Variants in IMPG1 observed in about 807,000 individuals in gnomAD.
IMPG1 encodes the protein interphotoreceptor matrix proteoglycan 1, also known as interphotoreceptor matrix proteoglycan of 150 kDa.
In IMPG1, 85 loss-of-function variants were observed where a neutral mutation model predicts 92.0. That is an observed-to-expected ratio of 0.92 (90% CI 0.78 to 1.11). The LOEUF (loss-of-function observed/expected upper bound fraction) is 1.11. Ranked by LOEUF, IMPG1 falls within the 50% of genes least tolerant of loss-of-function variation. The pLI is 0.00. For missense variants in IMPG1, 1,022 were observed against 956.0 expected, an observed-to-expected ratio of 1.07 and a Z score of -0.91; for synonymous variants, 367 against 334.1, an observed-to-expected ratio of 1.10 and a Z score of -1.08.
At chr6:75,932,405 T>C (rs1781681041) in intron 14 of IMPG1, among the ~76,000 whole-genome samples, 1 of 152,242 alleles carries the variant, frequency 6.6e-6, no homozygotes, top group Non-Finnish European at 1.5e-5. Flanking sequence ...TAAAAATATT[T>C]TCCCTAGGTA....
At chr6:76,072,306 G>T in intron 1 of IMPG1, 116 bp downstream of exon 1, 2 of 544,336 alleles carry the variant, frequency 3.7e-6, no homozygotes, top group Non-Finnish European at 3.3e-6. Flanking sequence ...TTTATTCAAG[G>T]CCTACTATAT....
chr6:76,022,749 G>A (rs79064206), intron 5 of IMPG1, among the ~76,000 whole-genome samples: 1,554 of 152,256 alleles, frequency 0.01, 26 homozygotes, highest in African/African-American at 0.036. Context: ...TATTTTTAAA[G>A]ATCTTCATAG....
At chr6:75,948,118 G>A (rs1273304989) in intron 13 of IMPG1, among the ~76,000 whole-genome samples, 1 of 152,176 alleles carries the variant, frequency 6.6e-6, no homozygotes, top group African/African-American at 2.4e-5. Context: ...TCCCTAACTA[G>A]CCATGTGACC....
At chr6:75,996,668 C>T (rs551436181) in intron 12 of IMPG1, among the ~76,000 whole-genome samples, 2 of 152,222 alleles carry the variant, frequency 1.3e-5, no homozygotes, top group South Asian at 2.1e-4. Flanking sequence ...ATAGCACTGG[C>T]TAGGGAGAAC....
intron 12 of IMPG1, among the ~76,000 whole-genome samples, chr6:75,970,670 G>A (rs1200826636): frequency 6.6e-6 from 1 of 152,108 alleles, no homozygotes; most frequent in Non-Finnish European, 1.5e-5. Context: ...GCCTTCTCTG[G>A]AGAAGAAAAT....
chr6:75,932,688 T>C (rs1217451895), intron 14 of IMPG1, among the ~76,000 whole-genome samples: 7 of 152,176 alleles, frequency 4.6e-5, no homozygotes, highest in Admixed American at 1.3e-4. Flanking sequence ...GGGTAGGCCA[T>C]ACCAATATTT....
intron 7 of IMPG1, 71 bp downstream of exon 7, chr6:76,018,647 G>A (rs1198404924): frequency 1.6e-5 from 23 of 1,431,564 alleles, no homozygotes; most frequent in Admixed American, 6.0e-5. Flanking sequence ...CGCCGTAAGG[G>A]TTTATGTCCT....
intron 13 of IMPG1, among the ~76,000 whole-genome samples, chr6:75,949,443 G>C (rs182772889): frequency 6.6e-6 from 1 of 152,266 alleles, no homozygotes; most frequent in African/African-American, 2.4e-5. Context: ...TCTAAAAAGG[G>C]GAGGCATGAA....
At chr6:75,954,183 G>T (rs140627846) in intron 12 of IMPG1, among the ~76,000 whole-genome samples, 2 of 152,082 alleles carry the variant, frequency 1.3e-5, no homozygotes, top group Non-Finnish European at 2.9e-5. Flanking sequence ...TTGAGGAATC[G>T]CCAAACTGTC....
At chr6:75,942,803 C>T (rs528545995) in intron 14 of IMPG1, among the ~76,000 whole-genome samples, 33 of 152,282 alleles carry the variant, frequency 2.2e-4, no homozygotes, top group African/African-American at 7.5e-4. Flanking sequence ...TGAAAATCAT[C>T]TGCACATTTT....
At chr6:75,981,012 A>G (rs1423376139) in intron 12 of IMPG1, among the ~76,000 whole-genome samples, 2 of 152,178 alleles carry the variant, frequency 1.3e-5, no homozygotes, top group Non-Finnish European at 2.9e-5. Context: ...GTTTGAGAAC[A>G]CTGGTAGAGG....
At chr6:76,063,854 C>G (rs934949058) in intron 1 of IMPG1, among the ~76,000 whole-genome samples, 36 of 152,324 alleles carry the variant, frequency 2.4e-4, no homozygotes, top group African/African-American at 8.7e-4. Context: ...ACCAAGGGAG[C>G]ACCCCTTTGC....
rs1044048732 is a variant in IMPG1 at position 76,005,289 on chromosome 6, T to C, written c.1133A>G (p.Asp378Gly). ...GAACTAAGCAATCATTAACTGACCA[T>C]CAGTGAACTGAATTGTCCCCACATC... ...SLDVGTIQFT[D>G]EIAGSLPAFG... Residue 378 changes from aspartate to glycine, a missense_variant and splice_region_variant, in exon 10 of 17, where the codon GAT (aspartate) becomes GGT (glycine). Asp to Gly is a moderately conservative substitution (Grantham distance 94). Transcript: ENST00000369950. 6.2e-7 allele frequency: 1 copy of C among 1,613,800 alleles called. No individual in the cohort carries two copies. The highest frequency in any genetic ancestry group is 1.3e-5 in the African/African-American group (1 of 74,930).
intron 13 of IMPG1, among the ~76,000 whole-genome samples, chr6:75,949,089 T>C (rs944195208): frequency 1.3e-5 from 2 of 152,220 alleles, no homozygotes; most frequent in Non-Finnish European, 2.9e-5. Flanking sequence ...CTCTTCATTA[T>C]GGCAGCTTAG....
chr6:76,070,801 C>A (rs1784392499), intron 1 of IMPG1, among the ~76,000 whole-genome samples: 1 of 151,630 alleles, frequency 6.6e-6, no homozygotes, highest in Admixed American at 6.6e-5. Context: ...GAACAATAGA[C>A]ACTGGGCATT....
intron 12 of IMPG1, among the ~76,000 whole-genome samples, chr6:75,994,453 A>G (rs1407856388): frequency 6.6e-6 from 1 of 152,232 alleles, no homozygotes; most frequent in African/African-American, 2.4e-5. Context: ...TGGATACTGT[A>G]TTAGTCTGTT....
At chr6:76,035,520 A>G (rs1014528158) in intron 2 of IMPG1, among the ~76,000 whole-genome samples, 1 of 151,376 alleles carries the variant, frequency 6.6e-6, no homozygotes, top group African/African-American at 2.4e-5. Flanking sequence ...AAAAAAAAAA[A>G]AAAAGAAAAA....
At chr6:75,970,660 G>T (rs967011171) in intron 12 of IMPG1, among the ~76,000 whole-genome samples, 1 of 152,094 alleles carries the variant, frequency 6.6e-6, no homozygotes, top group African/African-American at 2.4e-5. Context: ...ATTCGTAATT[G>T]CCTTCTCTGG....
chr6:75,965,888 T>G (rs1296057081), intron 12 of IMPG1, among the ~76,000 whole-genome samples: 11 of 152,328 alleles, frequency 7.2e-5, no homozygotes, highest in Middle Eastern at 6.8e-3. Context: ...ATTACAGGCA[T>G]GAGCCACCAC....
Sources: gnomAD v4.1 joint callset for allele counts (sites outside exome capture counted in the v4.1 genomes callset) on GRCh38, gnomAD v4.1.1 for gene constraint, MANE v1.5 for transcripts, NCBI Gene and HGNC (gene_info 2026-07-23, HGNC 2026-07-21) for gene names.